The following ADCY8 variants were observed in gnomAD, a reference collection of about 807,000 sequenced individuals.
ADCY8 encodes the protein adenylate cyclase type 8.
A neutral mutation model predicts 119.7 loss-of-function variants in ADCY8; 51 were observed. That is an observed-to-expected ratio of 0.43 (90% CI 0.34 to 0.54). The LOEUF is 0.54. ADCY8 is among the 20% of genes least tolerant of loss of function. The pLI, the probability that ADCY8 is intolerant of heterozygous loss-of-function variation, is 0.03. For missense variants in ADCY8, 1,383 were observed against 1,598.8 expected, an observed-to-expected ratio of 0.87 and a Z score of 2.30; for synonymous variants, 665 against 651.0, an observed-to-expected ratio of 1.02 and a Z score of -0.33.
chr8:130,836,221 T>C (rs1201903283), intron 12 of ADCY8, 56 bp downstream of exon 12: 11 of 1,525,700 alleles, frequency 7.2e-6, no homozygotes, highest in African/African-American at 1.4e-5. Context: ...TTCCCAACAA[T>C]TCCACTTCCC....
intron 15 of ADCY8, among the ~76,000 whole-genome samples, chr8:130,798,342 G>A (rs186141743): frequency 9.7e-4 from 148 of 152,294 alleles, no homozygotes; most frequent in African/African-American, 3.1e-3. Context: ...TAGAAGTAGC[G>A]TTGAATTGAC....
rs369816294 is a variant in ADCY8, at chr8:130,821,326, C to A, written c.2754+16G>T. On this transcript the variant is annotated intron_variant, in intron 13 of 17. Transcript: ENST00000286355. ...ATGTCAGGTAACAGAGCAGTCAGAG[C>A]GAAATGTTAGATTACCTGCTGTCCA... 2 of 1,609,192 alleles carry A rather than the reference C, an allele frequency of 1.2e-6. No individual in the cohort carries two copies. Among genetic ancestry groups the A allele is most frequent in the East Asian group, 2.2e-5 (1 of 44,812 alleles).
At position 130,854,697 on chromosome 8, in the gene ADCY8, C is replaced by T. The variant is rs117266285; in HGVS notation, c.2211-4894G>A. 1.2e-4 allele frequency among the ~76,000 whole-genome samples: 19 copies of T among 152,214 alleles called. No homozygotes were observed. The East Asian group carries it at 3.3e-3, about 26-fold the overall frequency. Reference sequence around the variant, plus strand: ...CTTGGCAAGTGGGCATTATCATTCCCATTTTACAGATGAGGAAACAGAGGT... The same window carrying T: ...CTTGGCAAGTGGGCATTATCATTCCTATTTTACAGATGAGGAAACAGAGGT... On this transcript the variant is annotated intron_variant, in intron 9 of 17. Coordinates refer to ENST00000286355, the MANE Select transcript of ADCY8 (RefSeq NM_001115.3).
At chr8:130,847,391 A>G (rs371352550) in intron 11 of ADCY8, 33 bp downstream of exon 11, 43 of 1,508,056 alleles carry the variant, frequency 2.9e-5, no homozygotes, top group Non-Finnish European at 3.7e-5. Flanking sequence ...ATCTATGTCC[A>G]ACTCTCACCA....
rs548500849 is a variant in ADCY8 at position 130,798,570 on chromosome 8, T to C, written c.3060+1856A>G. 3.6e-4 allele frequency among the ~76,000 whole-genome samples: 55 copies of C among 152,022 alleles called. 1 individual carries two copies. The highest frequency in any genetic ancestry group is 1.3e-3 in the African/African-American group (55 of 41,442). On this transcript the variant is annotated intron_variant, in intron 15 of 17. Coordinates refer to ENST00000286355, the MANE Select transcript of ADCY8 (RefSeq NM_001115.3). Reference sequence around the variant, plus strand: ...ACAGTGAGTGCAAGACCTACTAGAGTTGATGAAGGGGAGCCACTGAAGTGT... The same window carrying C: ...ACAGTGAGTGCAAGACCTACTAGAGCTGATGAAGGGGAGCCACTGAAGTGT...
At chr8:130,963,533 T>G (rs1035481062) in intron 2 of ADCY8, among the ~76,000 whole-genome samples, 1 of 152,212 alleles carries the variant, frequency 6.6e-6, no homozygotes, top group Non-Finnish European at 1.5e-5. Flanking sequence ...GACAATGTAC[T>G]GTATTAGACG....
chr8:131,030,833 T>C (rs1359207753), intron 1 of ADCY8, among the ~76,000 whole-genome samples: 1 of 152,248 alleles, frequency 6.6e-6, no homozygotes, highest in Non-Finnish European at 1.5e-5. Context: ...TTCTTGCTGA[T>C]AGAACTAATT....
At chr8:130,788,850 G>T (rs2130062894) in intron 15 of ADCY8, among the ~76,000 whole-genome samples, 1 of 152,116 alleles carries the variant, frequency 6.6e-6, no homozygotes, top group East Asian at 1.9e-4. Flanking sequence ...CAAAAATAAT[G>T]AACTCTTGAA....
intron 8 of ADCY8, among the ~76,000 whole-genome samples, chr8:130,871,502 T>C (rs1221326025): frequency 3.3e-5 from 5 of 152,202 alleles, no homozygotes; most frequent in Admixed American, 6.5e-5. Flanking sequence ...AATGAGGTAA[T>C]ATATATAAGA....
chr8:131,027,515 G>C (rs1289359813), intron 1 of ADCY8, among the ~76,000 whole-genome samples: 1 of 152,196 alleles, frequency 6.6e-6, no homozygotes, highest in Non-Finnish European at 1.5e-5. Context: ...TGAATCTTGG[G>C]GGTGGGGCTG....
intron 5 of ADCY8, among the ~76,000 whole-genome samples, chr8:130,920,436 C>T (rs1820265404): frequency 6.6e-6 from 1 of 152,206 alleles, no homozygotes; most frequent in South Asian, 2.1e-4. Flanking sequence ...GGAAAGACAG[C>T]TGTGGTCACA....
intron 9 of ADCY8, among the ~76,000 whole-genome samples, chr8:130,864,125 C>G (rs535522809): frequency 2.0e-5 from 3 of 152,150 alleles, no homozygotes; most frequent in Admixed American, 1.3e-4. Flanking sequence ...TGACTCCACG[C>G]TCTTCTTGCT....
At chr8:130,999,519 G>A (rs545356212) in intron 1 of ADCY8, among the ~76,000 whole-genome samples, 37 of 152,246 alleles carry the variant, frequency 2.4e-4, no homozygotes, top group Admixed American at 6.5e-4. Flanking sequence ...GGGAAAGGGG[G>A]ATATCTCCCT....
Position 130,874,610 on chromosome 8 carries a change from G to A in ADCY8, c.2110-6664C>T, listed in dbSNP as rs964830406. 6.6e-5 allele frequency among the ~76,000 whole-genome samples: 10 copies of A among 152,278 alleles called. No homozygotes were observed. The South Asian group carries it at 8.3e-4, about 13-fold the overall frequency. Reference sequence around the variant, plus strand: ...CTCACAAGGAAACATGCTAACATGCGTTTAAGATTGATGGGCTTCAGAAGT... The same window carrying A: ...CTCACAAGGAAACATGCTAACATGCATTTAAGATTGATGGGCTTCAGAAGT... On this transcript the variant is annotated intron_variant, in intron 8 of 17. Transcript: ENST00000286355.
chr8:130,893,271 G>A (rs150219519), intron 7 of ADCY8, among the ~76,000 whole-genome samples: 1 of 152,208 alleles, frequency 6.6e-6, no homozygotes, highest in Non-Finnish European at 1.5e-5. Context: ...ACTCCAGCAC[G>A]GACTTCATCT....
chr8:130,967,533 T>A (rs538529860), intron 2 of ADCY8, among the ~76,000 whole-genome samples: 4 of 152,304 alleles, frequency 2.6e-5, no homozygotes, highest in South Asian at 4.1e-4. Flanking sequence ...ATGCTCCTTA[T>A]AAAGGTGATT....
chr8:130,831,047 C>G (rs924334791), intron 12 of ADCY8, among the ~76,000 whole-genome samples: 5 of 151,742 alleles, frequency 3.3e-5, no homozygotes, highest in African/African-American at 1.2e-4. Context: ...AAGGCTTGGG[C>G]AAATAGAAAA....
At chr8:130,987,880 C>G (rs1822451844) in intron 2 of ADCY8, among the ~76,000 whole-genome samples, 1 of 152,166 alleles carries the variant, frequency 6.6e-6, no homozygotes, top group Non-Finnish European at 1.5e-5. Context: ...TGAGCCAAGT[C>G]AATCCATAAT....
intron 3 of ADCY8, 109 bp downstream of exon 3, chr8:130,951,759 G>A (rs1193534211): frequency 1.5e-6 from 2 of 1,358,462 alleles, no homozygotes; most frequent in Non-Finnish European, 2.0e-6. Context: ...TCAACCAGAT[G>A]AGGAAAGGTG....
Sources: gnomAD v4.1 joint callset for allele counts (sites outside exome capture counted in the v4.1 genomes callset) on GRCh38, gnomAD v4.1.1 for gene constraint, MANE v1.5 for transcripts, NCBI Gene and HGNC (gene_info 2026-07-23, HGNC 2026-07-21) for gene names.